USP8: variants seen among roughly 807,000 people sequenced by gnomAD.
USP8 encodes the protein ubiquitin specific peptidase 8, also known as ubiquitin carboxyl-terminal hydrolase 8.
A neutral mutation model predicts 130.0 loss-of-function variants in USP8; 27 were observed. That is an observed-to-expected ratio of 0.21 (90% CI 0.15 to 0.29). USP8 has a LOEUF of 0.29. Ranked by LOEUF, USP8 falls within the 10% of genes least tolerant of loss-of-function variation. The pLI is 1.00. For synonymous variants in USP8, 392 were observed against 444.1 expected, an observed-to-expected ratio of 0.88 and a Z score of 1.48; for missense variants, 1,029 against 1,312.2, an observed-to-expected ratio of 0.78 and a Z score of 3.33.
intron 5 of USP8, 101 bp downstream of exon 5, chr15:50,459,263 A>G: frequency 7.1e-7 from 1 of 1,415,198 alleles, no homozygotes; most frequent in Non-Finnish European, 9.4e-7. Flanking sequence ...TTTAGGCAAC[A>G]AGGATGAAAT....
chr15:50,469,609 C>T (rs1282686817), intron 7 of USP8, among the ~76,000 whole-genome samples: 3 of 152,088 alleles, frequency 2.0e-5, no homozygotes, highest in Non-Finnish European at 1.5e-5. Context: ...CTGGAAGATA[C>T]AGTAACCAAC....
rs71424071 is a variant in USP8, at chr15:50,485,550, A to ATTTTTTTTTTTTTTTTTTTTTTTTTT, written c.1890+1197_1890+1222dup. ...CCCATTTTTAGCATGCAGTTTAGTG[A>ATTTTTTTTTTTTTTTTTTTTTTTTTT]TTTTTTTTTTTTTTTTTTTTTTTTT... On this transcript the variant is annotated intron_variant, in intron 12 of 19. Transcript: ENST00000307179. Among the ~76,000 whole-genome samples, 6 of 27,940 alleles carry ATTTTTTTTTTTTTTTTTTTTTTTTTT rather than the reference A, an allele frequency of 2.1e-4. 2 individuals are homozygous for ATTTTTTTTTTTTTTTTTTTTTTTTTT. The highest frequency in any genetic ancestry group is 1.6e-3 in the Admixed American group (2 of 1,246). The allele number at this position is 27,940 out of a possible 152,430, so 18.3% of individuals were successfully genotyped here.
rs1289111648 is a variant in USP8, at chr15:50,513,941, A to T, written c.*14853A>T. ...GTATGTACTCAAAAGAACTGTGTAC[A>T]CTATGTTCACCAAAAAACAAGAATG... On this transcript the variant is annotated 3_prime_UTR_variant, in exon 20 of 20. Transcript: ENST00000307179. The T allele has an allele frequency of 6.6e-6, 1 of 152,204 alleles. No individual in the cohort carries two copies. The highest frequency in any genetic ancestry group is 1.5e-5 in the Non-Finnish European group (1 of 68,034). The allele number at this position is 152,204 out of a possible 1,614,324, so 9.4% of individuals were successfully genotyped here.
At chr15:50,425,098 T>C (rs1363970030) in intron 1 of USP8, among the ~76,000 whole-genome samples, 2 of 152,138 alleles carry the variant, frequency 1.3e-5, no homozygotes, top group South Asian at 2.1e-4. Context: ...TTACTAGCAG[T>C]GATGTGCATT....
chr15:50,441,186 C>A (rs564619503), intron 2 of USP8, among the ~76,000 whole-genome samples, 163 bp from the exon 3 acceptor site: 2 of 152,230 alleles, frequency 1.3e-5, no homozygotes, highest in South Asian at 4.1e-4. Context: ...CACCACTCAT[C>A]GTCTGCTGTG....
intron 1 of USP8, among the ~76,000 whole-genome samples, chr15:50,425,660 TA>T (rs141246657): frequency 1.3e-4 from 20 of 150,044 alleles, no homozygotes; most frequent in Middle Eastern, 3.4e-3. Context: ...TGTAGTAGTT[TA>T]AAAAAAAAAT....
Position 50,513,714 on chromosome 15 carries a change from C to T in USP8, c.*14626C>T, listed in dbSNP as rs1012080275. ...TAAGTAGTTATTTAAACCACAATGCCATTCTACTATATGGGCAACCAGAAG... is the reference window on the plus strand; with the variant it reads ...TAAGTAGTTATTTAAACCACAATGCTATTCTACTATATGGGCAACCAGAAG... On this transcript the variant is annotated 3_prime_UTR_variant, in exon 20 of 20. Transcript: ENST00000307179. The T allele has an allele frequency of 2.0e-5, 3 of 146,522 alleles. No homozygotes were observed. The highest frequency in any genetic ancestry group is 7.3e-5 in the African/African-American group (3 of 41,148). The allele number at this position is 146,522 out of a possible 1,614,324, so 9.1% of individuals were successfully genotyped here. A position where few individuals can be genotyped will look rare whatever the true frequency, so the allele number is the denominator to read the frequency against.
intron 4 of USP8, among the ~76,000 whole-genome samples, chr15:50,453,253 T>G (rs992969735): frequency 1.3e-5 from 2 of 152,258 alleles, no homozygotes; most frequent in African/African-American, 4.8e-5. Flanking sequence ...TTTTCTTTTC[T>G]CCTCTCACAT....
At position 50,441,418 on chromosome 15, in the gene USP8, G is replaced by T; in HGVS notation, c.174G>T (p.Arg58Ser). 6.2e-7 allele frequency: 1 copy of T among 1,610,198 alleles called. No homozygotes were observed. Among genetic ancestry groups the T allele is most frequent in the South Asian group, 1.1e-5 (1 of 90,426 alleles). Residue 58 changes from arginine to serine, a missense_variant, in exon 3 of 20, where the codon AGG becomes AGT. Arg to Ser is a moderately radical substitution (Grantham distance 110). This residue lies in a region of USP8 where 281 missense variants were observed against 336.7 expected (regional missense o/e 0.83). Coordinates refer to ENST00000307179, the MANE Select transcript of USP8 (RefSeq NM_005154.5). ...GCAGATTAGATCGTGATGAGGAAAG[G>T]GCCTATGTACTATATATGAAATACG... Reference protein sequence around the residue: ...EECRLDRDEERAYVLYMKYVT... With the variant: ...EECRLDRDEESAYVLYMKYVT...
rs370876235 is a variant in USP8, at chr15:50,471,708, G to A, written c.762G>A (p.Glu254=). The A allele has an allele frequency of 1.3e-4, 216 of 1,613,980 alleles. No homozygotes were observed. The highest frequency in any genetic ancestry group is 3.3e-4 in the Middle Eastern group (2 of 6,084). Residue 254 remains glutamate, a synonymous_variant, in exon 8 of 20, where the codon GAG becomes GAA. Coordinates refer to ENST00000307179, the MANE Select transcript of USP8 (RefSeq NM_005154.5). The part of the protein sequence containing the change: ...KDTWKKRGNV[E]YVVLLDWFSS... Reference sequence around the variant, plus strand: ...CATGGAAGAAGAGGGGGAATGTGGAGTATGTGGTACTTCTTGACTGGTTTA... The same window carrying A: ...CATGGAAGAAGAGGGGGAATGTGGAATATGTGGTACTTCTTGACTGGTTTA...
intron 1 of USP8, among the ~76,000 whole-genome samples, chr15:50,430,275 A>G (rs1475246955): frequency 6.6e-6 from 1 of 152,098 alleles, no homozygotes; most frequent in Non-Finnish European, 1.5e-5. Flanking sequence ...TGAACCGGGG[A>G]GGTGGAGGTT....
At chr15:50,496,873 C>T (rs978212279) in intron 17 of USP8, 2 of 455,192 alleles carry the variant, frequency 4.4e-6, no homozygotes, top group Non-Finnish European at 7.4e-6. Flanking sequence ...TGTCCTGTCA[C>T]AACACACTGT....
At chr15:50,493,583 G>C (rs546113190) in intron 15 of USP8, 101 of 473,400 alleles carry the variant, frequency 2.1e-4, no homozygotes, top group Non-Finnish European at 3.6e-4. Flanking sequence ...GCAAAACTCC[G>C]TCTCTACAAA....
At chr15:50,482,103 G>T in intron 11 of USP8, 38 bp downstream of exon 11, 10 of 1,454,516 alleles carry the variant, frequency 6.9e-6, no homozygotes, top group Non-Finnish European at 9.0e-6. Flanking sequence ...CGAAGTGAAA[G>T]AAAATGTATA....
rs2050603981 is a variant in USP8, at chr15:50,450,713, T to C, written c.335+1228T>C. On this transcript the variant is annotated intron_variant, in intron 4 of 19. Coordinates refer to ENST00000307179, the MANE Select transcript of USP8 (RefSeq NM_005154.5). ...CTTGAACTCCTGACCTCCGATGATC[T>C]GCCTGCCTCGGCCTCCCAAAGTGCT... Among the ~76,000 whole-genome samples the C allele has an allele frequency of 2.0e-5, 3 of 152,006 alleles. No homozygotes were observed. In the South Asian group the frequency reaches 6.2e-4, roughly 32 times the overall value.
rs1037886734 is a variant in USP8 at position 50,513,452 on chromosome 15, C to T, written c.*14364C>T. ...CGGTAGCTCACACCTGTAATCCCAG[C>T]ACTTTGGGAGGATGAGGGAGGTGGA... On this transcript the variant is annotated 3_prime_UTR_variant, in exon 20 of 20. Coordinates refer to ENST00000307179, the MANE Select transcript of USP8 (RefSeq NM_005154.5). 1.5e-4 allele frequency: 22 copies of T among 148,054 alleles called. No homozygotes were observed. The highest frequency in any genetic ancestry group is 5.5e-4 in the African/African-American group (22 of 39,926). The allele number at this position is 148,054 out of a possible 1,614,324, so 9.2% of individuals were successfully genotyped here. A position where few individuals can be genotyped will look rare whatever the true frequency, so the allele number is the denominator to read the frequency against.
chr15:50,460,748 A>G (rs1462047449), intron 5 of USP8, among the ~76,000 whole-genome samples: 1 of 151,596 alleles, frequency 6.6e-6, no homozygotes, highest in East Asian at 1.9e-4. Flanking sequence ...CTCAGAAACT[A>G]CTCTTCCTAA....
At chr15:50,492,622 T>G in intron 14 of USP8, 79 bp from the exon 15 acceptor site, 3 of 1,429,058 alleles carry the variant, frequency 2.1e-6, no homozygotes, top group Non-Finnish European at 2.9e-6. Flanking sequence ...GTGCTACAGT[T>G]TGCTGCCATT....
At chr15:50,468,408 A>G (rs2051265971) in intron 7 of USP8, among the ~76,000 whole-genome samples, 1 of 146,920 alleles carries the variant, frequency 6.8e-6, no homozygotes, top group Non-Finnish European at 1.5e-5. Context: ...ACACCCGGCT[A>G]ATTTTTGTAT....
Sources: allele counts gnomAD v4.1 joint callset (sites outside exome capture counted in the v4.1 genomes callset), GRCh38; gene constraint gnomAD v4.1.1; regional missense constraint gnomAD v4.1.1; transcripts MANE v1.5; gene names NCBI Gene and HGNC (gene_info 2026-07-23, HGNC 2026-07-21).